The following ZMYND8 variants were observed in gnomAD, a reference collection of about 807,000 sequenced individuals.
The protein encoded by ZMYND8 is MYND-type zinc finger-containing chromatin reader ZMYND8.
Under a neutral mutation model 140.8 loss-of-function variants are expected in ZMYND8, and 37 were observed. The observed-to-expected ratio is 0.26, with a 90% CI of 0.20 to 0.35. ZMYND8 has a LOEUF of 0.35. Among genes scored for constraint, ZMYND8 ranks in the 10% least tolerant of loss-of-function variants. The pLI is 1.00. For missense variants in ZMYND8, 1,068 were observed against 1,570.0 expected, an observed-to-expected ratio of 0.68 and a Z score of 5.40; for synonymous variants, 592 against 597.1, an observed-to-expected ratio of 0.99 and a Z score of 0.12.
Position 47,238,789 on chromosome 20 carries a change from C to T in ZMYND8, c.2634G>A (p.Gly878=), listed in dbSNP as rs763050595. 1.1e-5 allele frequency: 18 copies of T among 1,612,840 alleles called. 1 individual carries two copies. Among genetic ancestry groups the T allele is most frequent in the Admixed American group, 1.7e-5 (1 of 59,982 alleles). ...CAGCCTGTCTGGTCTGATATCTCGT[C>T]CCCTGGGAAGACTGAGGCTGCTGCT... ...NQQQQPQSSQ[G]TRYQTRQAVK... Residue 878 remains glycine (G), a synonymous_variant, in exon 15 of 23, where the codon GGG becomes GGA. Transcript: ENST00000471951.
At chr20:47,343,173 T>A (rs1293655401) in intron 2 of ZMYND8, among the ~76,000 whole-genome samples, 3 of 151,826 alleles carry the variant, frequency 2.0e-5, no homozygotes, top group African/African-American at 7.3e-5. Context: ...TGGTCCCAGC[T>A]ACTTGGGAGG....
At chr20:47,327,200 G>A (rs1390292331) in intron 2 of ZMYND8, among the ~76,000 whole-genome samples, 1 of 151,984 alleles carries the variant, frequency 6.6e-6, no homozygotes, top group African/African-American at 2.4e-5. Flanking sequence ...ATTTTTAGTA[G>A]AGATGGGGTT....
chr20:47,244,990 G>A (rs2040391647), intron 14 of ZMYND8, among the ~76,000 whole-genome samples: 1 of 152,110 alleles, frequency 6.6e-6, no homozygotes, highest in Non-Finnish European at 1.5e-5. Context: ...CCGGGAGGCG[G>A]AGGTTGCAGT....
chr20:47,238,401 C>T, intron 15 of ZMYND8: 1 of 357,310 alleles, frequency 2.8e-6, no homozygotes, highest in African/African-American at 2.1e-5. Context: ...TACATGCATA[C>T]ATGCATAGAA....
In ZMYND8 at chr20:47,262,443, C is replaced by A. The variant is rs765368205; in HGVS notation, c.1481-15G>T. The A allele has an allele frequency of 2.6e-5, 42 of 1,613,620 alleles. No homozygotes were observed. In the African/African-American group the frequency reaches 4.7e-4, roughly 18 times the overall value. On this transcript the variant is annotated splice_polypyrimidine_tract_variant and intron_variant, in intron 11 of 22. Coordinates refer to ENST00000471951, the MANE Select transcript of ZMYND8 (RefSeq NM_001281775.3). ...GGCTGGTGAAGCTGAAAAAGTATGG[C>A]ATTGTTAAAAGACAGGTTTACAAAT...
intron 1 of ZMYND8, among the ~76,000 whole-genome samples, chr20:47,350,329 A>G (rs1411770004): frequency 1.1e-4 from 8 of 73,740 alleles, no homozygotes; most frequent in Non-Finnish European, 1.5e-4. Flanking sequence ...TTAAAAGGAG[A>G]AAAAAAAAAA....
Position 47,283,615 on chromosome 20 carries a change from G to C in ZMYND8, c.838C>G (p.Leu280Val), listed in dbSNP as rs2076742256. 1 of 1,614,100 alleles carries C rather than the reference G, an allele frequency of 6.2e-7. No individual in the cohort carries two copies. Among genetic ancestry groups the C allele is most frequent in the Non-Finnish European group, 8.5e-7 (1 of 1,179,980 alleles). Reference sequence around the variant, plus strand: ...TTATCTCGTTTTTGGCAAGCAGCTAGATAACATTCTGGACATACTTCGATT... The same window carrying C: ...TTATCTCGTTTTTGGCAAGCAGCTACATAACATTCTGGACATACTTCGATT... ...NEIEVCPECY[L>V]AACQKRDNWF... The change falls in exon 9 of 23, where the codon CTA becomes GTA. Residue 280 changes from leucine (L) to valine (V), a missense_variant. Around this residue, in one of 10 missense-constraint regions of ZMYND8, gnomAD observed 109 missense variants for 314.9 expected, o/e 0.35. Transcript: ENST00000471951.
At chr20:47,303,678 A>G (rs1601747127) in intron 3 of ZMYND8, among the ~76,000 whole-genome samples, 1 of 152,096 alleles carries the variant, frequency 6.6e-6, no homozygotes, top group Non-Finnish European at 1.5e-5. Flanking sequence ...CCTGTGTAAC[A>G]GAGCAAGACT....
In ZMYND8 at chr20:47,298,471, C is replaced by T. The variant is rs985818093; in HGVS notation, c.453+258G>A. 15 of 985,212 alleles carry T rather than the reference C, an allele frequency of 1.5e-5. No individual in the cohort carries two copies. The highest frequency in any genetic ancestry group is 1.1e-4 in the East Asian group (1 of 8,822). 61.0% of individuals were successfully genotyped at this position (985,212 alleles called of 1,614,324 possible). On this transcript the variant is annotated intron_variant, in intron 4 of 22. Transcript: ENST00000471951. The surrounding 1 kb of genome is among the most constrained non-coding windows in gnomAD (Gnocchi z 5.0). ...TTCATCATAGAAGATGCAGAGATGA[C>T]GACTACAGATCTCCAAGGAATCCAA...
At chr20:47,266,932 G>C (rs976778907) in intron 11 of ZMYND8, among the ~76,000 whole-genome samples, 1 of 152,052 alleles carries the variant, frequency 6.6e-6, no homozygotes, top group African/African-American at 2.4e-5. Flanking sequence ...TTGAAAATAG[G>C]TACACAAACA....
chr20:47,267,473 T>A, intron 11 of ZMYND8, among the ~76,000 whole-genome samples: 1 of 108,746 alleles, frequency 9.2e-6, no homozygotes, highest in Non-Finnish European at 1.7e-5. Flanking sequence ...GAAGAAAATG[T>A]CTAAAATGGT....
chr20:47,214,683 C>CGG (rs1226776735), intron 21 of ZMYND8, among the ~76,000 whole-genome samples: 1 of 152,070 alleles, frequency 6.6e-6, no homozygotes, highest in African/African-American at 2.4e-5. Context: ...TTAGTAGAGA[C>CGG]GGGGTTTCAC....
chr20:47,239,069 C>G lies in ZMYND8; in HGVS notation c.2354G>C (p.Arg785Pro). The change falls in exon 15 of 23, where the codon CGC (arginine) becomes CCC (proline). Residue 785 changes from arginine (R) to proline (P), a missense_variant. By Grantham distance (103) the Arg-to-Pro change is moderately radical. Transcript: ENST00000471951. ...AGCCGCGGAAGTTTGGGCGGAAGAG[C>G]GGGTGAGCACCGGTGTTTCCGGGGG... ...HSPPETPVLT[R>P]SSAQTSAAGA... is the part of the protein sequence containing the mutation. The G allele has an allele frequency of 6.4e-7, 1 of 1,555,046 alleles. No homozygotes were observed. Among genetic ancestry groups the G allele is most frequent in the South Asian group, 1.2e-5 (1 of 82,198 alleles).
chr20:47,229,840 C>G, intron 16 of ZMYND8, 34 bp from the exon 17 acceptor site: 1 of 1,577,050 alleles, frequency 6.3e-7, no homozygotes, highest in Non-Finnish European at 8.7e-7. Context: ...TTCAGCTGAT[C>G]ACTTCTTGGA....
chr20:47,340,713 G>A (rs114765390), intron 2 of ZMYND8, among the ~76,000 whole-genome samples: 16,678 of 151,998 alleles, frequency 0.11, 970 homozygotes, highest in South Asian at 0.18. Flanking sequence ...CTTGAACCCG[G>A]GAAATGAAGG....
At chr20:47,219,130 T>C (rs993070061) in intron 21 of ZMYND8, among the ~76,000 whole-genome samples, 1 of 144,962 alleles carries the variant, frequency 6.9e-6, no homozygotes, top group Non-Finnish European at 1.5e-5. Context: ...CGATCTCGAC[T>C]CACTGCAACC....
At chr20:47,284,344 C>A (rs943908873) in intron 8 of ZMYND8, among the ~76,000 whole-genome samples, 1 of 152,206 alleles carries the variant, frequency 6.6e-6, no homozygotes, top group African/African-American at 2.4e-5. Context: ...CCCCCACCCA[C>A]AGGGATCACA....
chr20:47,281,572 A>AGGGGAGGGCAGGAAGGCTGGG (rs1430001433), intron 10 of ZMYND8, among the ~76,000 whole-genome samples: 5 of 152,132 alleles, frequency 3.3e-5, no homozygotes, highest in African/African-American at 1.2e-4. Flanking sequence ...ACGGAGGGAA[A>AGGGGAGGGCAGGAAGGCTGGG]GGGGAGGGCA....
chr20:47,336,513 G>C (rs895147717), intron 2 of ZMYND8, among the ~76,000 whole-genome samples: 2 of 152,174 alleles, frequency 1.3e-5, no homozygotes, highest in African/African-American at 4.8e-5. Context: ...CCAAACAGGG[G>C]AGCCTTTGTA....
Sources: allele counts gnomAD v4.1 joint callset (sites outside exome capture counted in the v4.1 genomes callset), GRCh38; gene constraint gnomAD v4.1.1; regional missense constraint gnomAD v4.1.1; non-coding constraint Gnocchi (gnomAD v3.1); transcripts MANE v1.5; gene names NCBI Gene and HGNC (gene_info 2026-07-23, HGNC 2026-07-21).